Variants in ANAPC10 observed in about 807,000 individuals in gnomAD.
ANAPC10 encodes the protein anaphase promoting complex subunit 10.
A neutral mutation model predicts 22.0 loss-of-function variants in ANAPC10; 12 were observed. The ratio of observed to expected loss-of-function variants is 0.55; its 90% CI spans 0.35 to 0.88. The LOEUF (loss-of-function observed/expected upper bound fraction) is 0.88. Among genes scored for constraint, ANAPC10 ranks in the 40% least tolerant of loss-of-function variants. The pLI is 0.01. For synonymous variants in ANAPC10, 65 were observed against 69.5 expected (o/e 0.94, Z 0.32); for missense variants, 188 against 220.9 (o/e 0.85, Z 0.94).
intron 3 of ANAPC10, among the ~76,000 whole-genome samples, chr4:145,066,583 C>G (rs952707761): frequency 6.6e-6 from 1 of 151,888 alleles, no homozygotes; most frequent in Non-Finnish European, 1.5e-5. Flanking sequence ...TACACTTATT[C>G]ACTGCCTTCA....
At chr4:145,083,584 G>A (rs1373402436) in intron 2 of ANAPC10, among the ~76,000 whole-genome samples, 2 of 152,090 alleles carry the variant, frequency 1.3e-5, no homozygotes, top group Admixed American at 6.6e-5. Flanking sequence ...GGTATGTTCT[G>A]AAATTAATAT....
chr4:145,025,075 C>T (rs906407590), intron 4 of ANAPC10, among the ~76,000 whole-genome samples: 3 of 152,176 alleles, frequency 2.0e-5, no homozygotes, highest in Non-Finnish European at 4.4e-5. Context: ...GCTTCAAACT[C>T]TCTTCTGCAG....
At chr4:145,080,183 T>G (rs1298177413) in intron 3 of ANAPC10, among the ~76,000 whole-genome samples, 1 of 140,600 alleles carries the variant, frequency 7.1e-6, no homozygotes, top group Admixed American at 7.1e-5. Context: ...ACAATAGACA[T>G]GGGTGCCTAC....
chr4:144,996,809 G>A (rs1224052217), intron 4 of ANAPC10, among the ~76,000 whole-genome samples: 1 of 152,040 alleles, frequency 6.6e-6, no homozygotes, highest in Non-Finnish European at 1.5e-5. Flanking sequence ...GAGGATATTC[G>A]AACCCATCGC....
intron 4 of ANAPC10, among the ~76,000 whole-genome samples, chr4:145,004,873 T>C (rs964656819): frequency 1.3e-5 from 2 of 152,002 alleles, no homozygotes; most frequent in Non-Finnish European, 2.9e-5. Flanking sequence ...ACAGAATGAA[T>C]TAGGGGAGTC....
Position 144,995,028 on chromosome 4 carries a change from C to A in ANAPC10, c.*345G>T, listed in dbSNP as rs1371457827. 1 of 170,560 alleles carries A rather than the reference C, an allele frequency of 5.9e-6. No individual in the cohort carries two copies. Among genetic ancestry groups the A allele is most frequent in the Non-Finnish European group, 1.3e-5 (1 of 79,720 alleles). The allele number at this position is 170,560 out of a possible 1,614,324, so 10.6% of individuals were successfully genotyped here. On this transcript the variant is annotated 3_prime_UTR_variant, in exon 5 of 5. Transcript: ENST00000507656. ...AAACCATTACTCTAATGTATGAACA[C>A]TAATGAAATAATCACCTAGCTATTA...
At chr4:145,055,114 A>G (rs1299310670) in intron 4 of ANAPC10, among the ~76,000 whole-genome samples, 2 of 152,240 alleles carry the variant, frequency 1.3e-5, no homozygotes, top group Non-Finnish European at 2.9e-5. Flanking sequence ...AGCTGAATAA[A>G]GGATCTTAAG....
At chr4:145,022,626 T>C (rs1736114416) in intron 4 of ANAPC10, among the ~76,000 whole-genome samples, 1 of 151,812 alleles carries the variant, frequency 6.6e-6, no homozygotes, top group South Asian at 2.1e-4. Context: ...TAACTAAACA[T>C]CACCTGTACT....
At chr4:145,089,944 ATACAG>A (rs1162044287) in intron 2 of ANAPC10, among the ~76,000 whole-genome samples, 14 of 152,276 alleles carry the variant, frequency 9.2e-5, no homozygotes, top group Non-Finnish European at 1.3e-4. Context: ...CATATTATCT[ATACAG>A]TAAAGTATGA....
rs150931312 is a variant in ANAPC10 at position 145,000,134 on chromosome 4, T to C, written c.328-4531A>G. Among the ~76,000 whole-genome samples the C allele has an allele frequency of 3.2e-4, 48 of 152,302 alleles. No homozygotes were observed. In the East Asian group the frequency reaches 8.9e-3, roughly 28 times the overall value. On this transcript the variant is annotated intron_variant, in intron 4 of 4. Transcript: ENST00000507656. Reference sequence around the variant, plus strand: ...AACCTAGGTAATACCATTCAGGACATAGGCATGGCCAAGAACTTTATGTCT... The same window carrying C: ...AACCTAGGTAATACCATTCAGGACACAGGCATGGCCAAGAACTTTATGTCT...
chr4:145,090,579 C>CT (rs1747527205), intron 2 of ANAPC10, among the ~76,000 whole-genome samples: 1 of 152,200 alleles, frequency 6.6e-6, no homozygotes, highest in African/African-American at 2.4e-5. Context: ...GTAATGGAGT[C>CT]TGTCTTGAAT....
At chr4:145,054,181 A>G (rs1178334729) in intron 4 of ANAPC10, among the ~76,000 whole-genome samples, 3 of 150,384 alleles carry the variant, frequency 2.0e-5, no homozygotes, top group Non-Finnish European at 3.0e-5. Context: ...TGCTGGTATT[A>G]CAGGCCTGAG....
rs112460841 is a variant in ANAPC10, at chr4:145,016,417, T to G, written c.328-20814A>C. 7.0e-3 allele frequency among the ~76,000 whole-genome samples: 1,062 copies of G among 152,262 alleles called. 17 individuals are homozygous for G. The highest frequency in any genetic ancestry group is 0.025 in the African/African-American group (1,018 of 41,542). ...ACCTAGGAATCCAACTTACAAGGGA[T>G]GTGAAGGACCTCTTCAAGGAGAACT... On this transcript the variant is annotated intron_variant, in intron 4 of 4. Transcript: ENST00000507656.
At chr4:145,076,493 A>C (rs1745217906) in intron 3 of ANAPC10, among the ~76,000 whole-genome samples, 1 of 152,222 alleles carries the variant, frequency 6.6e-6, no homozygotes, top group Non-Finnish European at 1.5e-5. Context: ...TCCCACACAG[A>C]TAAGAAAGAA....
Position 145,097,560 on chromosome 4 carries a change from T to C in ANAPC10, c.-13+560A>G, listed in dbSNP as rs769388289. 48 of 1,286,118 alleles carry C rather than the reference T, an allele frequency of 3.7e-5. No individual in the cohort carries two copies. The South Asian group carries it at 5.8e-4, about 16-fold the overall frequency. 79.7% of individuals were successfully genotyped at this position (1,286,118 alleles called of 1,614,324 possible). A position where few individuals can be genotyped will look rare whatever the true frequency, so the allele number is the denominator to read the frequency against. On this transcript the variant is annotated intron_variant, in intron 1 of 4. Transcript: ENST00000507656. ...TAATCGGCACACAAGCACTTGATAC[T>C]TACTAAATAACGGCAGACACAACGG...
intron 2 of ANAPC10, among the ~76,000 whole-genome samples, chr4:145,082,873 A>G (rs1240606628): frequency 2.0e-5 from 3 of 152,210 alleles, no homozygotes; most frequent in African/African-American, 7.2e-5. Flanking sequence ...TATATTCATT[A>G]TGGAACAAAT....
At chr4:145,050,484 C>A (rs80241854) in intron 4 of ANAPC10, among the ~76,000 whole-genome samples, 15 of 152,328 alleles carry the variant, frequency 9.8e-5, no homozygotes, top group Middle Eastern at 3.4e-3. Flanking sequence ...CAGCCCCTAA[C>A]AAAAGAGCCA....
intron 4 of ANAPC10, among the ~76,000 whole-genome samples, chr4:145,010,843 C>T (rs560137261): frequency 5.3e-5 from 8 of 151,870 alleles, no homozygotes; most frequent in African/African-American, 1.4e-4. Context: ...ATAAATAAAT[C>T]GCTTGATCTT....
chr4:145,019,549 G>A (rs1369564806), intron 4 of ANAPC10, among the ~76,000 whole-genome samples: 6 of 151,950 alleles, frequency 3.9e-5, no homozygotes, highest in South Asian at 2.1e-4. Flanking sequence ...AGAGAAACAC[G>A]AACAAACCAA....
Sources: allele counts gnomAD v4.1 joint callset (sites outside exome capture counted in the v4.1 genomes callset), GRCh38; gene constraint gnomAD v4.1.1; transcripts MANE v1.5; gene names NCBI Gene and HGNC (gene_info 2026-07-23, HGNC 2026-07-21).